Variants in CFAP77 observed in about 807,000 individuals in gnomAD.
CFAP77 encodes the protein cilia- and flagella-associated protein 77.
Under a neutral mutation model 31.1 loss-of-function variants are expected in CFAP77, and 25 were observed. The observed-to-expected ratio is 0.80, with a 90% CI of 0.59 to 1.12. The LOEUF is 1.12. CFAP77 is among the 50% of genes most tolerant of loss of function. The probability of loss-of-function intolerance (pLI) is 0.00; values close to 1 mark genes in which losing one functional copy is unlikely to be tolerated. For missense variants in CFAP77, 377 were observed against 397.3 expected, an observed-to-expected ratio of 0.95 and a Z score of 0.44; for synonymous variants, 151 against 159.9, an observed-to-expected ratio of 0.94 and a Z score of 0.42.
chr9:132,451,649 C>T (rs1292365016), intron 1 of CFAP77, among the ~76,000 whole-genome samples: 4 of 152,054 alleles, frequency 2.6e-5, no homozygotes, highest in Non-Finnish European at 1.5e-5. Context: ...TTGTCCCTTT[C>T]TTGATCCCCA....
rs944841053 is a variant in CFAP77, at chr9:132,537,829, A to T, written c.630+123A>T. ...TGTCATTGGGGATGAGTGGGAAATC[A>T]GGTTGCATCTTCTGCCCAGCATCAG... On this transcript the variant is annotated intron_variant, in intron 4 of 5. Transcript: ENST00000393216. The T allele has an allele frequency of 1.7e-5, 12 of 704,762 alleles. No homozygotes were observed. In the African/African-American group the frequency reaches 2.1e-4, roughly 13 times the overall value. The allele number at this position is 704,762 out of a possible 1,614,324, so 43.7% of individuals were successfully genotyped here.
chr9:132,519,683 AGTG>A, intron 3 of CFAP77, among the ~76,000 whole-genome samples: 1 of 14,278 alleles, frequency 7.0e-5, no homozygotes, highest in Non-Finnish European at 1.3e-4. Flanking sequence ...TGGATGGATG[AGTG>A]GGTGGGTGGA....
At chr9:132,513,075 A>G (rs1202957522) in intron 3 of CFAP77, among the ~76,000 whole-genome samples, 1 of 152,180 alleles carries the variant, frequency 6.6e-6, no homozygotes, top group East Asian at 1.9e-4. Flanking sequence ...TATGGGGTAC[A>G]TGGGATGTTT....
intron 1 of CFAP77, among the ~76,000 whole-genome samples, chr9:132,476,548 G>A (rs1345755139): frequency 6.6e-6 from 1 of 152,160 alleles, no homozygotes; most frequent in South Asian, 2.1e-4. Flanking sequence ...AATGAGTGCT[G>A]TGACCTTACT....
intron 1 of CFAP77, among the ~76,000 whole-genome samples, chr9:132,464,246 G>A (rs1464172102): frequency 2.6e-5 from 4 of 152,142 alleles, no homozygotes; most frequent in Admixed American, 6.6e-5. Flanking sequence ...TGAGTATGCC[G>A]TGGGCCAGAT....
At position 132,489,593 on chromosome 9, in the gene CFAP77, A is replaced by G. The variant is rs565148339; in HGVS notation, c.196-9102A>G. Among the ~76,000 whole-genome samples the G allele has an allele frequency of 5.9e-5, 9 of 152,280 alleles. No homozygotes were observed. The East Asian group carries it at 1.7e-3, about 29-fold the overall frequency. On this transcript the variant is annotated intron_variant, in intron 1 of 5. Transcript: ENST00000393216. ...ACATCCTGTGTGCCCTGCACGGAGG[A>G]GGTGCAACACAAATGTTGATCCTGT...
Position 132,498,214 on chromosome 9 carries a change from C to A in CFAP77, c.196-481C>A, listed in dbSNP as rs1476502942. On this transcript the variant is annotated intron_variant, in intron 1 of 5. Coordinates refer to ENST00000393216, the MANE Select transcript of CFAP77 (RefSeq NM_001282957.2). This position sits in a 1 kb window ranked among gnomAD's most constrained non-coding sequence, Gnocchi z 4.2. ...CCCAGGTGAGGATTCGAGGAAGTGACTCCCTCATGTGCTACAGTGACAATG... is the reference window on the plus strand; with the variant it reads ...CCCAGGTGAGGATTCGAGGAAGTGAATCCCTCATGTGCTACAGTGACAATG... Among the ~76,000 whole-genome samples, 1 of 152,126 alleles carries A rather than the reference C, an allele frequency of 6.6e-6. No individual in the cohort carries two copies. Among genetic ancestry groups the A allele is most frequent in the Admixed American group, 6.5e-5 (1 of 15,278 alleles).
chr9:132,499,033 C>T lies in CFAP77; in HGVS notation c.295+239C>T, dbSNP rs918612663. On this transcript the variant is annotated intron_variant, in intron 2 of 5. Transcript: ENST00000393216. The surrounding 1 kb of genome is among the most constrained non-coding windows in gnomAD (Gnocchi z 5.4). ...TAGCATGGGTATCCCCGCACCGCCC[C>T]CCTTCCCCGCCGCCGGCAGGGACTG... Among the ~76,000 whole-genome samples, 3 of 152,106 alleles carry T rather than the reference C, an allele frequency of 2.0e-5. No individual in the cohort carries two copies. The highest frequency in any genetic ancestry group is 7.3e-5 in the African/African-American group (3 of 41,378).
At chr9:132,473,416 A>G (rs1365953531) in intron 1 of CFAP77, among the ~76,000 whole-genome samples, 1 of 152,212 alleles carries the variant, frequency 6.6e-6, no homozygotes, top group Non-Finnish European at 1.5e-5. Flanking sequence ...AGACTGAGGC[A>G]AAGAACAGTG....
chr9:132,507,877 C>CA (rs576755930), intron 3 of CFAP77, among the ~76,000 whole-genome samples: 107 of 151,790 alleles, frequency 7.0e-4, no homozygotes, highest in African/African-American at 2.5e-3. Flanking sequence ...CCCCGGGCCT[C>CA]AGAGAGGGCC....
chr9:132,530,699 G>A (rs1852429549), intron 3 of CFAP77, among the ~76,000 whole-genome samples: 1 of 152,078 alleles, frequency 6.6e-6, no homozygotes, highest in South Asian at 2.1e-4. Flanking sequence ...TTACAGATGT[G>A]TTCTCCCTGT....
At chr9:132,571,513 G>A (rs997285329) in intron 5 of CFAP77, among the ~76,000 whole-genome samples, 25 of 152,176 alleles carry the variant, frequency 1.6e-4, no homozygotes, top group African/African-American at 5.8e-4. Context: ...GGGTAGAGCC[G>A]AGTCTCTCTG....
rs1489225556 is a variant in CFAP77 at position 132,545,671 on chromosome 9, C to T, written c.732+2624C>T. Among the ~76,000 whole-genome samples the T allele has an allele frequency of 6.6e-6, 1 of 152,210 alleles. No individual in the cohort carries two copies. Among genetic ancestry groups the T allele is most frequent in the Non-Finnish European group, 1.5e-5 (1 of 68,030 alleles). ...CAGAGTGCTGCCGTTATGGGTGTCA[C>T]ACGCAGTCGCCTCCTTGTCAGGAAG... is the stretch of plus-strand genomic sequence containing the variant. On this transcript the variant is annotated intron_variant, in intron 5 of 5. Transcript: ENST00000393216. This position sits in a 1 kb window ranked among gnomAD's most constrained non-coding sequence, Gnocchi z 4.6.
rs578117288 is a variant in CFAP77, at chr9:132,568,440, C to T, written c.733-3948C>T. On this transcript the variant is annotated intron_variant, in intron 5 of 5. Coordinates refer to ENST00000393216, the MANE Select transcript of CFAP77 (RefSeq NM_001282957.2). ...GCATGGTGGCAGGCGCCTGTAATTC[C>T]AGCTACTCGGGAGGCTGAGGCAGGA... is the stretch of plus-strand genomic sequence containing the variant. 5.3e-5 allele frequency among the ~76,000 whole-genome samples: 8 copies of T among 151,516 alleles called. No homozygotes were observed. The East Asian group carries it at 1.6e-3, about 30-fold the overall frequency.
intron 3 of CFAP77, among the ~76,000 whole-genome samples, chr9:132,500,210 G>A (rs1338491870): frequency 6.6e-6 from 1 of 151,208 alleles, no homozygotes; most frequent in African/African-American, 2.4e-5. Context: ...GGGAGAGCCT[G>A]CCAAGTTACC....
chr9:132,561,678 C>T (rs1829813327), intron 5 of CFAP77, among the ~76,000 whole-genome samples: 1 of 149,564 alleles, frequency 6.7e-6, no homozygotes, highest in Admixed American at 6.7e-5. Context: ...CCATGTGTCT[C>T]TGGGATGGGT....
intron 1 of CFAP77, among the ~76,000 whole-genome samples, chr9:132,483,211 C>T (rs149901299): frequency 0.019 from 2,913 of 152,168 alleles, 82 homozygotes; most frequent in African/African-American, 0.067. Flanking sequence ...GCAGAGGTTG[C>T]AGTGAGCCAA....
At chr9:132,530,049 A>C (rs1340530422) in intron 3 of CFAP77, among the ~76,000 whole-genome samples, 1 of 148,986 alleles carries the variant, frequency 6.7e-6, no homozygotes, top group Non-Finnish European at 1.5e-5. Context: ...GATGTTGACT[A>C]TTCTTTCATG....
intron 1 of CFAP77, among the ~76,000 whole-genome samples, chr9:132,486,090 ATTTTTTTT>A (rs1178281920): frequency 1.3e-4 from 2 of 15,354 alleles, no homozygotes; most frequent in African/African-American, 4.3e-4. Context: ...ATATATATAT[ATTTTTTTT>A]TTTTTTTTTT....
Sources: gnomAD v4.1 joint callset for allele counts (sites outside exome capture counted in the v4.1 genomes callset) on GRCh38, gnomAD v4.1.1 for gene constraint, Gnocchi (gnomAD v3.1) non-coding constraint, MANE v1.5 for transcripts, NCBI Gene and HGNC (gene_info 2026-07-23, HGNC 2026-07-21) for gene names.